The following CTBP2 variants were observed in gnomAD, a reference collection of about 807,000 sequenced individuals.
CTBP2 encodes C-terminal binding protein 2, also known as C-terminal-binding protein 2.
In CTBP2, 30 loss-of-function variants were observed where a neutral mutation model predicts 80.3. That is an observed-to-expected ratio of 0.37 (90% CI 0.28 to 0.51). CTBP2 has a LOEUF of 0.51. CTBP2 is among the 20% of genes least tolerant of loss of function. The probability of loss-of-function intolerance (pLI) is 0.93; values close to 1 mark genes in which losing one functional copy is unlikely to be tolerated. For missense variants in CTBP2, 1,212 were observed against 1,375.3 expected, an observed-to-expected ratio of 0.88 and a Z score of 1.88; for synonymous variants, 594 against 587.4, an observed-to-expected ratio of 1.01 and a Z score of -0.16.
chr10:124,997,902 TC>T, intron 4 of CTBP2, 61 bp downstream of exon 6: 1 of 1,539,170 alleles, frequency 6.5e-7, no homozygotes, highest in Non-Finnish European at 8.8e-7. Flanking sequence ...TCCCGAGGGG[TC>T]CCCACTACAC....
At chr10:125,161,152 C>CGG (rs1565082827), upstream of CTBP2, 43 of 151,912 alleles carry the variant, frequency 2.8e-4, no homozygotes, top group African/African-American at 1.0e-3. Flanking sequence ...TTCAGATACT[C>CGG]CTCACTACAA....
chr10:125,140,336 A>G (rs1414788508), intron 1 of CTBP2, among the ~76,000 whole-genome samples: 1 of 151,696 alleles, frequency 6.6e-6, no homozygotes, highest in Admixed American at 6.6e-5. Context: ...AATGCCAGTC[A>G]GGGCTGGCCA....
At chr10:125,125,943 T>A (rs1855163942) in intron 1 of CTBP2, among the ~76,000 whole-genome samples, 1 of 152,156 alleles carries the variant, frequency 6.6e-6, no homozygotes, top group African/African-American at 2.4e-5. Flanking sequence ...GCTAAGAACA[T>A]CGGAAGAAGT....
At chr10:125,111,799 A>G (rs1200270495) in intron 1 of CTBP2, among the ~76,000 whole-genome samples, 3 of 152,224 alleles carry the variant, frequency 2.0e-5, no homozygotes, top group African/African-American at 7.2e-5. Flanking sequence ...GCTGTGAGAG[A>G]AGAGAGCAAA....
intron 1 of CTBP2, among the ~76,000 whole-genome samples, chr10:125,006,830 G>A (rs1489435410): frequency 3.9e-5 from 6 of 152,000 alleles, no homozygotes; most frequent in South Asian, 4.1e-4. Flanking sequence ...AGCCCAAGGC[G>A]CAGTACGTAA....
chr10:125,013,062 T>C (rs2134431977), intron 1 of CTBP2, among the ~76,000 whole-genome samples: 1 of 152,294 alleles, frequency 6.6e-6, no homozygotes, highest in East Asian at 1.9e-4. Flanking sequence ...ACTATGGCGA[T>C]GGGCCTTCTG....
intron 2 of CTBP2, among the ~76,000 whole-genome samples, chr10:125,049,077 ACACACACACACACACG>A (rs1192903174): frequency 3.0e-4 from 42 of 139,836 alleles, no homozygotes; most frequent in African/African-American, 1.1e-3. Context: ...ACACACACAC[ACACACACACACACACG>A]TCCACCTGAC....
At chr10:125,139,675 CA>C (rs2133245421) in intron 1 of CTBP2, among the ~76,000 whole-genome samples, 1 of 152,300 alleles carries the variant, frequency 6.6e-6, no homozygotes, top group African/African-American at 2.4e-5. Flanking sequence ...CACTTCCCTC[CA>C]AGTCAGCTGG....
At chr10:125,069,404 G>A (rs1173506090) in intron 2 of CTBP2, among the ~76,000 whole-genome samples, 2 of 152,148 alleles carry the variant, frequency 1.3e-5, no homozygotes, top group African/African-American at 4.8e-5. Flanking sequence ...GATCAACTGA[G>A]GTTGGGAGTT....
At position 125,078,253 on chromosome 10, in the gene CTBP2, C is replaced by T. The variant is rs185472812; in HGVS notation, c.-102+32737G>A. Among the ~76,000 whole-genome samples the T allele has an allele frequency of 3.1e-3, 450 of 143,452 alleles. 6 individuals carry two copies. The highest frequency in any genetic ancestry group is 0.011 in the African/African-American group (432 of 38,168). The allele number at this position is 143,452 out of a possible 152,430, so 94.1% of individuals were successfully genotyped here. ...CGAGATCGCGCCTCTGCACTCCAGC[C>T]TGGGCGACAGAGCGAGACTCCGTCT... On this transcript the variant is annotated intron_variant, in intron 2 of 10. Coordinates refer to the CTBP2 transcript ENST00000337195.
intron 2 of CTBP2, among the ~76,000 whole-genome samples, chr10:125,072,867 T>C (rs984555828): frequency 2.6e-4 from 40 of 152,146 alleles, no homozygotes; most frequent in African/African-American, 9.4e-4. Context: ...TATGTTCCCC[T>C]TGATACATGT....
intron 2 of CTBP2, among the ~76,000 whole-genome samples, chr10:125,042,548 C>T (rs1002930683): frequency 5.9e-5 from 9 of 152,186 alleles, no homozygotes; most frequent in African/African-American, 1.9e-4. Context: ...GGGGCGGAAT[C>T]GTGGGTGGAG....
At chr10:125,155,876 A>G (rs976621472) in intron 1 of CTBP2, among the ~76,000 whole-genome samples, 16 of 152,176 alleles carry the variant, frequency 1.1e-4, no homozygotes, top group African/African-American at 2.4e-4. Flanking sequence ...GAGAAAACTG[A>G]TATCTGCCAG....
At chr10:125,110,420 G>A (rs1256570859) in intron 2 of CTBP2, among the ~76,000 whole-genome samples, 1 of 152,150 alleles carries the variant, frequency 6.6e-6, no homozygotes, top group Non-Finnish European at 1.5e-5. Context: ...CAATGAGTGT[G>A]GTAGGGATTG....
Position 124,988,508 on chromosome 10 carries a change from C to T in CTBP2, c.*1010G>A, listed in dbSNP as rs1030751008. ...CTTTTGTCACAAAAACAGGAATGTA[C>T]CTATACAAAGGCTCAAAATAGGCCA... On this transcript the variant is annotated 3_prime_UTR_variant, in exon 9 of 9. Transcript: ENST00000309035. 1 of 152,512 alleles carries T rather than the reference C, an allele frequency of 6.6e-6. No individual in the cohort carries two copies. The highest frequency in any genetic ancestry group is 2.4e-5 in the African/African-American group (1 of 41,410). The allele number at this position is 152,512 out of a possible 1,614,324, so 9.4% of individuals were successfully genotyped here.
Position 124,984,997 on chromosome 10 carries a change from A to G in CTBP2, c.*4521T>C, listed in dbSNP as rs754730543. ...GAGGATGATGAAGATGAATGAAAAA[A>G]AAAATCAAACAGCAGAAGACCAAGG... On this transcript the variant is annotated 3_prime_UTR_variant, in exon 9 of 9. Coordinates refer to ENST00000309035, the MANE Select transcript of CTBP2 (RefSeq NM_022802.3). The G allele has an allele frequency of 2.5e-6, 4 of 1,603,702 alleles. No individual in the cohort carries two copies. In the South Asian group the frequency reaches 4.4e-5, roughly 18 times the overall value.
At chr10:125,084,269 G>C (rs1414076669) in intron 2 of CTBP2, among the ~76,000 whole-genome samples, 2 of 152,190 alleles carry the variant, frequency 1.3e-5, no homozygotes, top group Non-Finnish European at 2.9e-5. Flanking sequence ...CTGCTGTTTA[G>C]AAGTGCATCA....
intron 1 of CTBP2, among the ~76,000 whole-genome samples, chr10:125,127,842 A>G (rs956056645): frequency 6.6e-6 from 1 of 152,288 alleles, no homozygotes; most frequent in South Asian, 2.1e-4. Context: ...ACTGTCGTGA[A>G]ATTTTTGGTT....
rs965787315 is a variant in CTBP2, at chr10:124,994,423, TACC to T, written c.2400+43_2400+45del. The T allele has an allele frequency of 2.5e-6, 4 of 1,589,984 alleles. No individual in the cohort carries two copies. The African/African-American group carries it at 5.4e-5, about 21-fold the overall frequency. On this transcript the variant is annotated intron_variant, in intron 5 of 8. Transcript: ENST00000309035. ...CCCTCTTGTGCCCACAAGCAAGTGC[TACC>T]ACCTTTCGACAGAAGCTTCCATGGC...
Sources: gnomAD v4.1 joint callset for allele counts (sites outside exome capture counted in the v4.1 genomes callset) on GRCh38, gnomAD v4.1.1 for gene constraint, MANE v1.5 for transcripts, NCBI Gene and HGNC (gene_info 2026-07-23, HGNC 2026-07-21) for gene names.